Variants in CDH4 observed in about 807,000 individuals in gnomAD.
CDH4 encodes the protein cadherin 4.
A neutral mutation model predicts 86.0 loss-of-function variants in CDH4; 33 were observed. The ratio of observed to expected loss-of-function variants is 0.38; its 90% CI spans 0.29 to 0.51. CDH4 has a LOEUF of 0.51. Among genes scored for constraint, CDH4 ranks in the 20% least tolerant of loss-of-function variants. The pLI is 0.86. For synonymous variants in CDH4, 555 were observed against 549.4 expected (o/e 1.01, Z -0.14); for missense variants, 1,114 against 1,307.4 (o/e 0.85, Z 2.28).
At chr20:61,446,111 GTGGGTCATACT>G (rs1447463148) in intron 2 of CDH4, among the ~76,000 whole-genome samples, 5 of 152,252 alleles carry the variant, frequency 3.3e-5, no homozygotes, top group African/African-American at 1.2e-4. Context: ...GATCAAATGT[GTGGGTCATACT>G]TGGGAAGGGT....
chr20:61,778,171 A>T (rs1275585767), intron 4 of CDH4, among the ~76,000 whole-genome samples: 1 of 152,080 alleles, frequency 6.6e-6, no homozygotes, highest in African/African-American at 2.4e-5. Flanking sequence ...TTCCATCTAT[A>T]GGAAGCTGAT....
At chr20:61,376,134 G>T (rs989948197) in intron 2 of CDH4, among the ~76,000 whole-genome samples, 2 of 134,480 alleles carry the variant, frequency 1.5e-5, no homozygotes, top group African/African-American at 5.5e-5. Context: ...GATGAAGGTG[G>T]TACTGGTGGC....
chr20:61,848,855 C>G (rs1982584780), intron 5 of CDH4, among the ~76,000 whole-genome samples: 1 of 152,208 alleles, frequency 6.6e-6, no homozygotes, highest in Non-Finnish European at 1.5e-5. Flanking sequence ...CCTGCCCCAG[C>G]CCTGAGGCTT....
intron 2 of CDH4, among the ~76,000 whole-genome samples, chr20:61,477,022 C>T (rs532390174): frequency 1.3e-5 from 2 of 152,336 alleles, no homozygotes; most frequent in Admixed American, 1.3e-4. Context: ...GGGCTTCTGT[C>T]AGCTCAAGGG....
chr20:61,717,253 C>T (rs1325733235), intron 2 of CDH4, among the ~76,000 whole-genome samples: 1 of 152,200 alleles, frequency 6.6e-6, no homozygotes, highest in Non-Finnish European at 1.5e-5. Context: ...CCCAGGACAG[C>T]CACAGGGCCA....
intron 9 of CDH4, among the ~76,000 whole-genome samples, chr20:61,912,063 G>A (rs1600765170): frequency 6.6e-6 from 1 of 152,234 alleles, no homozygotes; most frequent in South Asian, 2.1e-4. Flanking sequence ...AGCTTCTAGG[G>A]CCCCTCGTGG....
intron 2 of CDH4, among the ~76,000 whole-genome samples, chr20:61,422,355 C>G (rs1330831391): frequency 7.3e-6 from 1 of 136,224 alleles, no homozygotes; most frequent in Admixed American, 8.4e-5. Flanking sequence ...ACCCGGGTGG[C>G]AGAGGTTGCA....
chr20:61,380,902 C>T (rs2084897017), intron 2 of CDH4, among the ~76,000 whole-genome samples: 1 of 152,172 alleles, frequency 6.6e-6, no homozygotes, highest in Admixed American at 6.5e-5. Flanking sequence ...AAATACTCAC[C>T]CTTAGCAGGG....
rs1043781611 is a variant in CDH4 at position 61,440,566 on chromosome 20, GC to G, written c.169+185630del. On this transcript the variant is annotated intron_variant, in intron 2 of 15. Transcript: ENST00000614565. ...TTGTTTTTTGGATATGAAGTGCTAA[GC>G]AAATACTCGGTTTGCACTCTTGACT... Among the ~76,000 whole-genome samples, 154 of 152,280 alleles carry G rather than the reference GC, an allele frequency of 1.0e-3. No homozygotes were observed. In the Middle Eastern group the frequency reaches 0.01, roughly 10 times the overall value.
chr20:61,486,472 G>A (rs371783439), intron 2 of CDH4, among the ~76,000 whole-genome samples: 3 of 152,390 alleles, frequency 2.0e-5, no homozygotes, highest in South Asian at 2.1e-4. Context: ...AAGACTGGCT[G>A]TAGCTCTGAA....
chr20:61,365,003 C>A (rs2084803508), intron 2 of CDH4, among the ~76,000 whole-genome samples: 1 of 152,182 alleles, frequency 6.6e-6, no homozygotes, highest in East Asian at 1.9e-4. Flanking sequence ...AGAACCACTG[C>A]CCTAGACCAC....
intron 2 of CDH4, among the ~76,000 whole-genome samples, chr20:61,476,414 T>C (rs1386950409): frequency 6.6e-6 from 1 of 152,184 alleles, no homozygotes; most frequent in Non-Finnish European, 1.5e-5. Flanking sequence ...ACATGTGTGG[T>C]CTGAACATAT....
At chr20:61,809,318 G>A (rs1224327847) in intron 4 of CDH4, among the ~76,000 whole-genome samples, 2 of 152,162 alleles carry the variant, frequency 1.3e-5, no homozygotes, top group African/African-American at 2.4e-5. Context: ...TGGGTGTGAC[G>A]CATCTGTGCT....
At chr20:61,400,023 A>T (rs940111670) in intron 2 of CDH4, among the ~76,000 whole-genome samples, 1 of 152,166 alleles carries the variant, frequency 6.6e-6, no homozygotes, top group Non-Finnish European at 1.5e-5. Flanking sequence ...TTTTCAAACC[A>T]GTCCCCCTTA....
At chr20:61,404,113 C>CA (rs2085065693) in intron 2 of CDH4, among the ~76,000 whole-genome samples, 1 of 152,054 alleles carries the variant, frequency 6.6e-6, no homozygotes, top group South Asian at 2.1e-4. Flanking sequence ...AGACACTGGG[C>CA]AGGTGCAGCT....
chr20:61,648,761 G>A (rs2087091479), intron 2 of CDH4, among the ~76,000 whole-genome samples: 1 of 152,164 alleles, frequency 6.6e-6, no homozygotes, highest in African/African-American at 2.4e-5. Context: ...ATTTGCATGT[G>A]TTACGGGGAT....
chr20:61,351,070 G>T (rs376052870), intron 2 of CDH4, among the ~76,000 whole-genome samples: 7 of 152,040 alleles, frequency 4.6e-5, no homozygotes. Flanking sequence ...TGTCACAGCC[G>T]CCCTCCCTCC....
chr20:61,784,040 C>T (rs369957071), intron 4 of CDH4, among the ~76,000 whole-genome samples: 133 of 8,360 alleles, frequency 0.016, 9 homozygotes, highest in Non-Finnish European at 0.02. Flanking sequence ...TCTCGAGGCC[C>T]TCAGGTGTCT....
intron 2 of CDH4, among the ~76,000 whole-genome samples, chr20:61,523,786 G>T (rs2145630993): frequency 6.6e-6 from 1 of 152,326 alleles, no homozygotes; most frequent in East Asian, 1.9e-4. Context: ...AGTAAATAGT[G>T]AGCTCCTTTC....
Sources: gnomAD v4.1 joint callset for allele counts (sites outside exome capture counted in the v4.1 genomes callset) on GRCh38, gnomAD v4.1.1 for gene constraint, MANE v1.5 for transcripts, NCBI Gene and HGNC (gene_info 2026-07-23, HGNC 2026-07-21) for gene names.